The following RORA variants were observed in gnomAD, a reference collection of about 807,000 sequenced individuals.
The protein encoded by RORA is RAR related orphan receptor A, also known as nuclear receptor ROR-alpha.
Under a neutral mutation model 69.5 loss-of-function variants are expected in RORA, and 7 were observed. The observed-to-expected ratio is 0.10, with a 90% CI of 0.06 to 0.19. The LOEUF is 0.19. Among genes scored for constraint, RORA ranks in the 10% least tolerant of loss-of-function variants. The pLI is 1.00. For missense variants in RORA, 457 were observed against 663.0 expected (o/e 0.69, Z 3.41); for synonymous variants, 261 against 240.8 (o/e 1.08, Z -0.78).
intron 1 of RORA, among the ~76,000 whole-genome samples, chr15:60,896,644 C>G (rs1891236652): frequency 6.6e-6 from 1 of 151,966 alleles, no homozygotes; most frequent in Admixed American, 6.6e-5. Context: ...AAGACACTTT[C>G]AAGTCCAGAA....
chr15:61,164,917 T>A (rs1348454832), intron 1 of RORA, among the ~76,000 whole-genome samples: 1 of 152,188 alleles, frequency 6.6e-6, no homozygotes, highest in Non-Finnish European at 1.5e-5. Flanking sequence ...AAGAATATCA[T>A]GCTGTTGACA....
chr15:60,917,252 T>C (rs1278044225), intron 1 of RORA, among the ~76,000 whole-genome samples: 1 of 152,208 alleles, frequency 6.6e-6, no homozygotes, highest in East Asian at 1.9e-4. Context: ...TTCTCCTTTT[T>C]CCTCCCATCT....
chr15:61,112,383 A>G (rs2079014410), intron 1 of RORA, among the ~76,000 whole-genome samples: 1 of 152,164 alleles, frequency 6.6e-6, no homozygotes. Context: ...GAGGGAGAGT[A>G]GGAGAGTGTG....
chr15:61,027,179 A>G (rs1385644858), intron 1 of RORA, among the ~76,000 whole-genome samples: 2 of 152,346 alleles, frequency 1.3e-5, no homozygotes, highest in African/African-American at 2.4e-5. Context: ...GCATGCGCCA[A>G]TAGTATTAGT....
chr15:60,521,682 A>G (rs1032145727), intron 3 of RORA, among the ~76,000 whole-genome samples: 1 of 152,260 alleles, frequency 6.6e-6, no homozygotes, highest in Admixed American at 6.5e-5. Context: ...TGACTTGTCC[A>G]AGGTCCCATG....
chr15:60,595,793 G>T (rs146150475), intron 2 of RORA, among the ~76,000 whole-genome samples: 3 of 152,026 alleles, frequency 2.0e-5, no homozygotes, highest in African/African-American at 7.2e-5. Context: ...GCAGCTCAAA[G>T]GTTTCTGTTG....
chr15:60,754,227 T>C (rs754256714), intron 1 of RORA, among the ~76,000 whole-genome samples: 1 of 152,256 alleles, frequency 6.6e-6, no homozygotes, highest in Non-Finnish European at 1.5e-5. Flanking sequence ...CTTTTCCACC[T>C]TGTGAGAACG....
chr15:60,623,314 C>T (rs546038590), intron 2 of RORA, among the ~76,000 whole-genome samples: 4 of 152,142 alleles, frequency 2.6e-5, no homozygotes, highest in African/African-American at 9.6e-5. Flanking sequence ...TTAGTAATGC[C>T]CAGGAGGGGG....
At chr15:60,952,588 C>A (rs1893142147) in intron 1 of RORA, among the ~76,000 whole-genome samples, 6 of 152,146 alleles carry the variant, frequency 3.9e-5, no homozygotes, top group Admixed American at 3.3e-4. Context: ...GCAACTTCAG[C>A]AAAGTCTCAG....
intron 1 of RORA, among the ~76,000 whole-genome samples, chr15:60,908,097 C>T (rs1156428993): frequency 6.6e-6 from 1 of 152,176 alleles, no homozygotes; most frequent in Non-Finnish European, 1.5e-5. Context: ...TTTTTCTCTG[C>T]CCATAGCTCA....
intron 1 of RORA, among the ~76,000 whole-genome samples, chr15:61,166,086 G>C (rs951219386): frequency 6.6e-6 from 1 of 152,174 alleles, no homozygotes; most frequent in Non-Finnish European, 1.5e-5. Flanking sequence ...GGGGGCATCA[G>C]CCCAATGAAA....
intron 1 of RORA, among the ~76,000 whole-genome samples, chr15:61,054,149 G>A (rs1020741503): frequency 2.6e-5 from 4 of 151,870 alleles, no homozygotes; most frequent in Non-Finnish European, 5.9e-5. Context: ...GGATGATGAC[G>A]AATAAATGGA....
intron 4 of RORA, among the ~76,000 whole-genome samples, chr15:60,512,603 AAC>A (rs575307636): frequency 2.6e-4 from 40 of 152,286 alleles, no homozygotes; most frequent in Admixed American, 2.2e-3. Context: ...CCCATCTTTA[AAC>A]ACTTTCTGCT....
chr15:60,599,173 T>G (rs906459134), intron 2 of RORA, among the ~76,000 whole-genome samples: 1 of 152,200 alleles, frequency 6.6e-6, no homozygotes, highest in African/African-American at 2.4e-5. Flanking sequence ...GAAGGATATT[T>G]GAGCTAGACC....
intron 1 of RORA, among the ~76,000 whole-genome samples, chr15:60,992,088 G>T (rs776498946): frequency 6.4e-4 from 97 of 152,048 alleles, no homozygotes; most frequent in Non-Finnish European, 3.5e-4. Context: ...ATATGAAAAT[G>T]TTGTTAGTAC....
chr15:60,991,745 A>AAAAC (rs1276168332), intron 1 of RORA, among the ~76,000 whole-genome samples: 2 of 151,906 alleles, frequency 1.3e-5, no homozygotes, highest in Non-Finnish European at 2.9e-5. Context: ...CAAAAAACAA[A>AAAAC]AAACAAACAA....
intron 1 of RORA, among the ~76,000 whole-genome samples, chr15:60,978,501 T>C (rs1041804688): frequency 7.2e-5 from 11 of 152,212 alleles, no homozygotes; most frequent in African/African-American, 2.7e-4. Flanking sequence ...TGTCCATTGA[T>C]TCACAAAAGT....
chr15:60,932,452 A>C (rs375847059), intron 1 of RORA, among the ~76,000 whole-genome samples: 2 of 152,354 alleles, frequency 1.3e-5, no homozygotes, highest in South Asian at 2.1e-4. Flanking sequence ...CCTAAGATCA[A>C]ATAAGTAACA....
At chr15:60,884,900 A>T (rs2140451603) in intron 1 of RORA, among the ~76,000 whole-genome samples, 1 of 152,314 alleles carries the variant, frequency 6.6e-6, no homozygotes, top group East Asian at 1.9e-4. Context: ...TAGAGCAAGG[A>T]TGATTGGGAA....
Sources: gnomAD v4.1 joint callset for allele counts (sites outside exome capture counted in the v4.1 genomes callset) on GRCh38, gnomAD v4.1.1 for gene constraint, MANE v1.5 for transcripts, NCBI Gene and HGNC (gene_info 2026-07-23, HGNC 2026-07-21) for gene names.